Variants in TIMM50 observed in about 807,000 individuals in gnomAD.
The protein encoded by TIMM50 is translocase of inner mitochondrial membrane 50, also known as mitochondrial import inner membrane translocase subunit TIM50.
A neutral mutation model predicts 49.6 loss-of-function variants in TIMM50; 34 were observed. The ratio of observed to expected loss-of-function variants is 0.69; its 90% CI spans 0.52 to 0.91. The LOEUF (loss-of-function observed/expected upper bound fraction) is 0.91, where lower values mean the gene tolerates loss of function less well. Ranked by LOEUF, TIMM50 falls within the 40% of genes least tolerant of loss-of-function variation. TIMM50 has a pLI of 0.00. For synonymous variants in TIMM50, 199 were observed against 198.4 expected (o/e 1.00, Z -0.03); for missense variants, 458 against 477.8 (o/e 0.96, Z 0.39).
rs935014488 is a variant in TIMM50, at chr19:39,493,349, A to T, written c.*3529A>T. 6.6e-6 allele frequency: 1 copy of T among 152,168 alleles called. No homozygotes were observed. The highest frequency in any genetic ancestry group is 2.4e-5 in the African/African-American group (1 of 41,506). The allele number at this position is 152,168 out of a possible 1,614,324, so 9.4% of individuals were successfully genotyped here. On this transcript the variant is annotated 3_prime_UTR_variant, in exon 11 of 11. Transcript: ENST00000607714. ...ACTGCACCCTGCACCTCCTGGGTTC[A>T]AGTGATTCTCCTGCCTCAGGCTCCC...
chr19:39,487,913 C>T, intron 8 of TIMM50, 148 bp from the exon 9 acceptor site: 1 of 1,238,654 alleles, frequency 8.1e-7, no homozygotes, highest in Non-Finnish European at 1.1e-6. Flanking sequence ...TCGATGCCAT[C>T]ATCCAAAGCC....
In TIMM50 at chr19:39,485,668, A is replaced by G. The variant is rs374282635; in HGVS notation, c.373-20A>G. The G allele has an allele frequency of 6.2e-7, 1 of 1,613,994 alleles. No individual in the cohort carries two copies. The highest frequency in any genetic ancestry group is 1.3e-5 in the African/African-American group (1 of 74,968). ...CTGGCCTCCTTGTCTGAGCGCCCCC[A>G]TCCTGTCCCTCTCCCACAGATGATC... On this transcript the variant is annotated intron_variant, in intron 5 of 10. Coordinates refer to ENST00000607714, the MANE Select transcript of TIMM50 (RefSeq NM_001001563.5).
rs561638511 is a variant in TIMM50 at position 39,491,727 on chromosome 19, T to G, written c.*1907T>G. 1.2e-3 allele frequency: 170 copies of G among 138,626 alleles called. No individual in the cohort carries two copies. The highest frequency in any genetic ancestry group is 4.6e-3 in the African/African-American group (167 of 36,294). The allele number at this position is 138,626 out of a possible 1,614,324, so 8.6% of individuals were successfully genotyped here. On this transcript the variant is annotated 3_prime_UTR_variant, in exon 11 of 11. Transcript: ENST00000607714. ...GTCCCAGCTACGTGAGAGGCTGAGGTGGGAGGAATCCCTTGAGCCAAGGAG... is the reference window on the plus strand; with the variant it reads ...GTCCCAGCTACGTGAGAGGCTGAGGGGGGAGGAATCCCTTGAGCCAAGGAG...
At chr19:39,483,205 T>G in intron 4 of TIMM50, 49 bp downstream of exon 4, 1 of 1,611,520 alleles carries the variant, frequency 6.2e-7, no homozygotes, top group Non-Finnish European at 8.5e-7. Context: ...CTCAACTCTG[T>G]CATTTGTAAG....
In TIMM50 at chr19:39,483,155, T is replaced by C; in HGVS notation, c.312T>C (p.Asn104=). 6.2e-7 allele frequency: 1 copy of C among 1,614,106 alleles called. No homozygotes were observed. The highest frequency in any genetic ancestry group is 8.5e-7 in the Non-Finnish European group (1 of 1,180,028). The change falls in exon 4 of 11, where the codon AAT becomes AAC. Residue 104 remains asparagine, a splice_region_variant and synonymous_variant. Transcript: ENST00000607714. ...NGAKIPDEFD[N]DPILVQQLRR... ...CCCAGATTCCTGATGAGTTCGACAA[T>C]GGTGAGTAAACAAGCACAGATTCTG...
rs1049623633 is a variant in TIMM50 at position 39,486,097 on chromosome 19, C to G, written c.493-90C>G. 5.2e-6 allele frequency: 7 copies of G among 1,352,816 alleles called. No homozygotes were observed. The Admixed American group carries it at 8.6e-5, about 17-fold the overall frequency. The allele number at this position is 1,352,816 out of a possible 1,614,324, so 83.8% of individuals were successfully genotyped here. ...AGAGACAGAGGGAGAGAACTCTGTTCTGGGAATCCCCCAGGCTGGATCTTT... is the reference window on the plus strand; with the variant it reads ...AGAGACAGAGGGAGAGAACTCTGTTGTGGGAATCCCCCAGGCTGGATCTTT... On this transcript the variant is annotated intron_variant, in intron 6 of 10. Coordinates refer to ENST00000607714, the MANE Select transcript of TIMM50 (RefSeq NM_001001563.5).
intron 6 of TIMM50, 189 bp downstream of exon 6, chr19:39,485,996 C>A: frequency 8.9e-7 from 1 of 1,125,594 alleles, no homozygotes; most frequent in Non-Finnish European, 1.3e-6. Flanking sequence ...TAGGTGTGCC[C>A]AGGCACGCTA....
rs199810015 is a variant in TIMM50, at chr19:39,482,927, A to G, written c.291+11A>G. 6.2e-7 allele frequency: 1 copy of G among 1,614,106 alleles called. No individual in the cohort carries two copies. Among genetic ancestry groups the G allele is most frequent in the Non-Finnish European group, 8.5e-7 (1 of 1,179,992 alleles). ...GAAAATGGTGCCAAGGTGAGGGGGA[A>G]AGAGACCGAGGCCTTGCCAGGAGTC... On this transcript the variant is annotated intron_variant, in intron 3 of 10. Coordinates refer to ENST00000607714, the MANE Select transcript of TIMM50 (RefSeq NM_001001563.5).
rs575858065 is a variant in TIMM50, at chr19:39,482,273, G to A, written c.259+240G>A. Among the ~76,000 whole-genome samples, 74 of 152,294 alleles carry A rather than the reference G, an allele frequency of 4.9e-4. 3 individuals carry two copies. In the South Asian group the frequency reaches 0.013, roughly 28 times the overall value. On this transcript the variant is annotated intron_variant, in intron 2 of 10. Coordinates refer to ENST00000607714, the MANE Select transcript of TIMM50 (RefSeq NM_001001563.5). ...CTGTACCAGGATAAAGGAAAGAGGG[G>A]AAGATGGGGAAGGATAGGCCTGGAT... is the stretch of plus-strand genomic sequence containing the variant.
chr19:39,487,903 T>G, intron 8 of TIMM50, 158 bp from the exon 9 acceptor site: 1 of 1,106,218 alleles, frequency 9.0e-7, no homozygotes, highest in East Asian at 2.7e-5. Flanking sequence ...TCTGTGGGGG[T>G]CGATGCCATC....
intron 1 of TIMM50, 87 bp downstream of exon 1, chr19:39,481,048 G>T (rs1392167537): frequency 3.5e-6 from 5 of 1,426,532 alleles, no homozygotes; most frequent in East Asian, 2.5e-5. Flanking sequence ...GTTCCGGGAC[G>T]CCTCACCTCA....
At position 39,492,889 on chromosome 19, in the gene TIMM50, A is replaced by AAAAAAAAAAC; in HGVS notation, c.*3072_*3073insAAAAAACAAA. ...CTGTCTCCAAAAAAAAAAAAAAAAA[A>AAAAAAAAAAC]AAACAAAAAAAAAACCAGTTTGACT... is the stretch of plus-strand genomic sequence containing the variant. On this transcript the variant is annotated 3_prime_UTR_variant, in exon 11 of 11. Transcript: ENST00000607714. 6.9e-6 allele frequency: 1 copy of AAAAAAAAAAC among 145,376 alleles called. No homozygotes were observed. Among genetic ancestry groups the AAAAAAAAAAC allele is most frequent in the Non-Finnish European group, 1.5e-5 (1 of 67,294 alleles). 9.0% of individuals were successfully genotyped at this position (145,376 alleles called of 1,614,324 possible).
At chr19:39,486,077 CAGAG>C (rs900952915) in intron 6 of TIMM50, 106 bp from the exon 7 acceptor site, 103 of 1,223,464 alleles carry the variant, frequency 8.4e-5, no homozygotes, top group Middle Eastern at 2.3e-4. Flanking sequence ...GCCACAGAGA[CAGAG>C]GGAGAGAACT....
Position 39,488,580 on chromosome 19 carries a change from G to C in TIMM50, c.895G>C (p.Glu299Gln). 1 of 1,613,388 alleles carries C rather than the reference G, an allele frequency of 6.2e-7. No homozygotes were observed. Among genetic ancestry groups the C allele is most frequent in the Non-Finnish European group, 8.5e-7 (1 of 1,180,024 alleles). ...NGVEDVRTVLEHYALEDDPLA... is the reference protein window; with the variant it reads ...NGVEDVRTVLQHYALEDDPLA... ...TGTGGAGGACGTGCGAACCGTGCTGGAGCACTATGCCCTGGAGGATGACCC... is the reference window on the plus strand; with the variant it reads ...TGTGGAGGACGTGCGAACCGTGCTGCAGCACTATGCCCTGGAGGATGACCC... The change falls in exon 10 of 11, where the codon GAG (glutamate) becomes CAG (glutamine). Residue 299 changes from glutamate to glutamine, a missense_variant. Coordinates refer to ENST00000607714, the MANE Select transcript of TIMM50 (RefSeq NM_001001563.5).
At chr19:39,485,987 A>T in intron 6 of TIMM50, 180 bp downstream of exon 6, 1 of 1,126,392 alleles carries the variant, frequency 8.9e-7, no homozygotes, top group Non-Finnish European at 1.3e-6. Flanking sequence ...AGGGTAGTGT[A>T]GGTGTGCCCA....
chr19:39,488,298 G>C, intron 9 of TIMM50, 81 bp downstream of exon 9: 2 of 1,512,850 alleles, frequency 1.3e-6, no homozygotes, highest in Non-Finnish European at 1.8e-6. Context: ...ATGATTCATG[G>C]CTGGGCGACT....
chr19:39,488,866 A>G (rs1017202968), intron 10 of TIMM50, among the ~76,000 whole-genome samples: 1 of 152,184 alleles, frequency 6.6e-6, no homozygotes, highest in East Asian at 1.9e-4. Context: ...TGAGAACAGG[A>G]AACAGGAGAG....
At chr19:39,481,722 G>A (rs1478456020) in intron 1 of TIMM50, among the ~76,000 whole-genome samples, 161 bp from the exon 2 acceptor site, 1 of 152,122 alleles carries the variant, frequency 6.6e-6, no homozygotes, top group Admixed American at 6.5e-5. Flanking sequence ...TTGACCCTCT[G>A]AGCAGCCCCA....
In TIMM50 at chr19:39,481,938, C is replaced by T. The variant is rs773813468; in HGVS notation, c.164C>T (p.Pro55Leu). 6.2e-6 allele frequency: 10 copies of T among 1,614,050 alleles called. No individual in the cohort carries two copies. The highest frequency in any genetic ancestry group is 3.3e-5 in the Admixed American group (2 of 60,000). Residue 55 changes from proline to leucine, a missense_variant, in exon 2 of 11, where the codon CCG (proline) becomes CTG (leucine). Coordinates refer to ENST00000607714, the MANE Select transcript of TIMM50 (RefSeq NM_001001563.5). ...STKAQGPQQQ[P>L]GSEGPSYAKK... ...AAGGCGCAAGGGCCACAGCAGCAGC[C>T]GGGCTCAGAGGGTCCCAGCTATGCC...
Sources: gnomAD v4.1 joint callset for allele counts (sites outside exome capture counted in the v4.1 genomes callset) on GRCh38, gnomAD v4.1.1 for gene constraint, MANE v1.5 for transcripts, NCBI Gene and HGNC (gene_info 2026-07-23, HGNC 2026-07-21) for gene names.